Variants in FAM13B observed in about 807,000 individuals in gnomAD.
FAM13B encodes family with sequence similarity 13 member B.
A neutral mutation model predicts 117.3 loss-of-function variants in FAM13B; 60 were observed. That is an observed-to-expected ratio of 0.51 (90% confidence interval 0.42 to 0.63). The LOEUF is 0.63. Among genes scored for constraint, FAM13B ranks in the 30% least tolerant of loss-of-function variants. The pLI, the probability that FAM13B is intolerant of heterozygous loss-of-function variation, is 0.00. For synonymous variants in FAM13B, 332 were observed against 356.1 expected, an observed-to-expected ratio of 0.93 and a Z score of 0.76; for missense variants, 972 against 1,091.9, an observed-to-expected ratio of 0.89 and a Z score of 1.55.
intron 10 of FAM13B, among the ~76,000 whole-genome samples, chr5:137,970,436 G>T (rs1041878025): frequency 3.9e-5 from 6 of 151,916 alleles, no homozygotes; most frequent in Non-Finnish European, 5.9e-5. Context: ...CACCAGGCCT[G>T]CCCTAAAAGA....
chr5:137,949,946 G>C (rs1258925794), intron 17 of FAM13B, among the ~76,000 whole-genome samples: 2 of 152,096 alleles, frequency 1.3e-5, no homozygotes, highest in Non-Finnish European at 2.9e-5. Flanking sequence ...CTGGGCAACA[G>C]AGTCAGACCC....
intron 10 of FAM13B, among the ~76,000 whole-genome samples, chr5:137,976,673 T>C (rs1351298210): frequency 1.3e-5 from 2 of 152,180 alleles, no homozygotes; most frequent in African/African-American, 4.8e-5. Context: ...CTTATGCCTG[T>C]CTTTACTGCT....
At position 137,988,366 on chromosome 5, in the gene FAM13B, T is replaced by G. The variant is rs760944236; in HGVS notation, c.849-51A>C. ...ATAAAAATGTTCAATACTTAATAACTACAAAATGTGCTGAAATCTGCCATA... is the reference window on the plus strand; with the variant it reads ...ATAAAAATGTTCAATACTTAATAACGACAAAATGTGCTGAAATCTGCCATA... On this transcript the variant is annotated intron_variant, in intron 7 of 23. Transcript: ENST00000689681. 1.2e-5 allele frequency: 18 copies of G among 1,446,958 alleles called. No individual in the cohort carries two copies. In the Admixed American group the frequency reaches 3.6e-4, roughly 29 times the overall value. The allele number at this position is 1,446,958 out of a possible 1,614,324, so 89.6% of individuals were successfully genotyped here.
intron 7 of FAM13B, among the ~76,000 whole-genome samples, chr5:137,988,614 T>TTTCAATAC (rs1295545821): frequency 6.6e-6 from 1 of 152,216 alleles, no homozygotes. Flanking sequence ...ATTTAATAAC[T>TTTCAATAC]TTCAATACCC....
At chr5:137,969,975 T>C (rs1346383609) in intron 10 of FAM13B, among the ~76,000 whole-genome samples, 2 of 152,164 alleles carry the variant, frequency 1.3e-5, no homozygotes, top group Non-Finnish European at 2.9e-5. Flanking sequence ...AGACCAAATC[T>C]ACGTCTGATT....
chr5:138,020,882 T>C, intron 2 of FAM13B, 149 bp downstream of exon 2: 1 of 440,302 alleles, frequency 2.3e-6, no homozygotes, highest in Non-Finnish European at 3.7e-6. Flanking sequence ...TTACATAGTC[T>C]CAGACAAGCA....
chr5:138,022,147 T>C (rs1384703844), intron 1 of FAM13B, among the ~76,000 whole-genome samples: 1 of 151,848 alleles, frequency 6.6e-6, no homozygotes, highest in Non-Finnish European at 1.5e-5. Flanking sequence ...ATAATACCTG[T>C]ACAGCTGTTA....
chr5:137,945,385 C>A (rs968183601), intron 20 of FAM13B, among the ~76,000 whole-genome samples: 13 of 152,086 alleles, frequency 8.5e-5, no homozygotes, highest in Non-Finnish European at 7.4e-5. Flanking sequence ...CACACAAATA[C>A]CAATAAGCAT....
In FAM13B at chr5:138,007,063, T is replaced by C. The variant is rs1782731702; in HGVS notation, c.775A>G (p.Asn259Asp). Residue 259 changes from asparagine to aspartate, a missense_variant, in exon 7 of 24, where the codon AAT becomes GAT. Coordinates refer to ENST00000689681, the MANE Select transcript of FAM13B (RefSeq NM_001385994.1). ...AATTGTACCACCTCTGGCATGTCAT[T>C]TGATTTTTCTGCACCCTCTTCTGGA... Reference protein sequence around the residue: ...ELPEEGAEKSNDMPEVVQLRM... With the variant: ...ELPEEGAEKSDDMPEVVQLRM... The C allele has an allele frequency of 6.2e-7, 1 of 1,613,712 alleles. No homozygotes were observed.
intron 22 of FAM13B, 97 bp from the exon 23 acceptor site, chr5:137,942,142 A>G (rs888530043): frequency 4.1e-6 from 4 of 965,500 alleles, no homozygotes; most frequent in Non-Finnish European, 6.3e-6. Flanking sequence ...GTGGCTGGGG[A>G]ACTGTTAGGT....
chr5:138,004,357 G>A (rs374443191), intron 7 of FAM13B, among the ~76,000 whole-genome samples: 5 of 151,296 alleles, frequency 3.3e-5, no homozygotes, highest in East Asian at 1.9e-4. Flanking sequence ...ACAGATGATC[G>A]AAGAGAAGCT....
rs1182428507 is a variant in FAM13B, at chr5:137,953,363, T to C, written c.1821A>G (p.Glu607=). Residue 607 remains glutamate (E), a synonymous_variant, in exon 16 of 24, where the codon GAA becomes GAG. Transcript: ENST00000689681. ...TGCTATTTCTTTCCCTTTCAAACTG[T>C]TCCTCAAATTGTCTGATTTTCTTCT... ...KLQKKIRQFE[E]QFERERNSKP... 1.2e-6 allele frequency: 2 copies of C among 1,614,052 alleles called. No individual in the cohort carries two copies. The highest frequency in any genetic ancestry group is 1.7e-6 in the Non-Finnish European group (2 of 1,179,924).
At chr5:138,002,529 A>G (rs1781512783) in intron 7 of FAM13B, among the ~76,000 whole-genome samples, 1 of 152,188 alleles carries the variant, frequency 6.6e-6, no homozygotes, top group African/African-American at 2.4e-5. Context: ...GTGAAACTCC[A>G]TGTGAAAACA....
chr5:138,038,669 T>C (rs1440972118), intron 1 of FAM13B: 1 of 152,206 alleles, frequency 6.6e-6, no homozygotes, highest in Non-Finnish European at 1.5e-5. Context: ...TGTGTGTTTT[T>C]CATAAACAGA....
chr5:137,981,630 A>G (rs1417865262), intron 10 of FAM13B, among the ~76,000 whole-genome samples: 2 of 152,074 alleles, frequency 1.3e-5, no homozygotes, highest in Non-Finnish European at 1.5e-5. Context: ...TACTAAAAAT[A>G]CAAAAATTAG....
At chr5:138,038,958 C>T (rs1173854632) in intron 1 of FAM13B, among the ~76,000 whole-genome samples, 1 of 152,168 alleles carries the variant, frequency 6.6e-6, no homozygotes, top group East Asian at 1.9e-4. Context: ...ATGTGGATTT[C>T]AGCTTCTATA....
Position 138,006,977 on chromosome 5 carries a change from A to G in FAM13B, c.848+13T>C. On this transcript the variant is annotated intron_variant, in intron 7 of 23. Transcript: ENST00000689681. The stretch of plus-strand genomic sequence containing the variant: ...ATACTCAAAAGCTAAAGTTCATTCA[A>G]CTGAGCTATTACCTTGTTGCCGTAA... The G allele has an allele frequency of 2.5e-6, 4 of 1,590,854 alleles. No individual in the cohort carries two copies. Among genetic ancestry groups the G allele is most frequent in the Non-Finnish European group, 3.4e-6 (4 of 1,172,668 alleles).
chr5:137,972,193 C>T (rs1468639788), intron 10 of FAM13B, among the ~76,000 whole-genome samples: 6 of 149,396 alleles, frequency 4.0e-5, no homozygotes, highest in African/African-American at 1.5e-4. Context: ...CCTTGATGAA[C>T]ATTGATGCAA....
chr5:137,949,093 G>A lies in FAM13B; in HGVS notation c.2022C>T (p.Asp674=), dbSNP rs1285955284. 2 of 1,613,912 alleles carry A rather than the reference G, an allele frequency of 1.2e-6. No homozygotes were observed. The highest frequency in any genetic ancestry group is 1.7e-6 in the Non-Finnish European group (2 of 1,179,936). The part of the protein sequence containing the change: ...TLPKSFGSSL[D]HEDEENEDEP... The stretch of plus-strand genomic sequence containing the variant: ...CATCTTCATTCTCTTCATCTTCATG[G>A]TCTAGAGAAGAGCCAAAGCTTTTTG... Residue 674 remains aspartate, a synonymous_variant, in exon 18 of 24, where the codon GAC becomes GAT. Transcript: ENST00000689681.
Sources: allele counts gnomAD v4.1 joint callset (sites outside exome capture counted in the v4.1 genomes callset), GRCh38; gene constraint gnomAD v4.1.1; transcripts MANE v1.5; gene names NCBI Gene and HGNC (gene_info 2026-07-23, HGNC 2026-07-21).